NAA11: variants seen among roughly 807,000 people sequenced by gnomAD.
NAA11 encodes N-alpha-acetyltransferase 11.
NAA11 carries 15 observed loss-of-function variants against 16.1 expected under a neutral mutation model. That is an observed-to-expected ratio of 0.93 (90% CI 0.62 to 1.44). NAA11 has a LOEUF of 1.44. Ranked by LOEUF, NAA11 falls within the 40% of genes most tolerant of loss-of-function variation. The probability of loss-of-function intolerance (pLI) is 0.00; values close to 1 mark genes in which losing one functional copy is unlikely to be tolerated. For missense variants in NAA11, 298 were observed against 291.3 expected (o/e 1.02, Z -0.17); for synonymous variants, 122 against 112.4 (o/e 1.09, Z -0.54).
At chr4:79,170,232 ATT>A in the NAA11 span, among the ~76,000 whole-genome samples, 1 of 152,152 alleles carries the variant, frequency 6.6e-6, no homozygotes, top group Non-Finnish European at 1.5e-5. Flanking sequence ...CTCTACTGTT[ATT>A]GTTTTGAAAT....
the NAA11 span, among the ~76,000 whole-genome samples, chr4:79,207,015 G>A: frequency 6.6e-6 from 1 of 152,048 alleles, no homozygotes; most frequent in Non-Finnish European, 1.5e-5. Context: ...CATTATTGGT[G>A]TATAGTAGTG....
chr4:79,306,726 T>C (rs1006469413), intron 1 of NAA11: 6 of 152,238 alleles, frequency 3.9e-5, no homozygotes, highest in Admixed American at 1.3e-4. Context: ...AACATCTGCA[T>C]AGGTAAGTAT....
At chr4:79,246,260 T>G (rs992967889) in intron 2 of NAA11, among the ~76,000 whole-genome samples, 5 of 151,848 alleles carry the variant, frequency 3.3e-5, no homozygotes, top group African/African-American at 4.8e-5. Flanking sequence ...GTCCTCTGCC[T>G]AGGAAAACCA....
Position 79,325,683 on chromosome 4 carries a change from A to G in NAA11, c.195T>C (p.Asp65=), listed in dbSNP as rs1195916171. Residue 65 remains aspartate (D), a synonymous_variant, in exon 1 of 2, where the codon GAT becomes GAC. Transcript: ENST00000286794. ...YVLAKMEEEP[D]DVPHGHITSL... Reference sequence around the variant, plus strand: ...AGGTGATATGGCCATGCGGGACATCATCTGGTTCCTCCTCCATTTTGGCCA... The same window carrying G: ...AGGTGATATGGCCATGCGGGACATCGTCTGGTTCCTCCTCCATTTTGGCCA... 4 of 1,613,976 alleles carry G rather than the reference A, an allele frequency of 2.5e-6. No homozygotes were observed. Among genetic ancestry groups the G allele is most frequent in the Non-Finnish European group, 3.4e-6 (4 of 1,180,006 alleles).
At chr4:79,225,333 C>T (rs181159906), downstream of NAA11, among the ~76,000 whole-genome samples, 331 of 151,994 alleles carry the variant, frequency 2.2e-3, 1 homozygote, top group Non-Finnish European at 3.6e-3. Flanking sequence ...TAAATTTTAG[C>T]GAAATACACT....
chr4:79,206,883 C>T, the NAA11 span, among the ~76,000 whole-genome samples: 7 of 152,050 alleles, frequency 4.6e-5, no homozygotes, highest in African/African-American at 7.2e-5. Flanking sequence ...AATTTACGTT[C>T]AAGTGCTATT....
intron 2 of NAA11, among the ~76,000 whole-genome samples, chr4:79,250,089 C>T (rs1211766547): frequency 6.6e-6 from 1 of 152,258 alleles, no homozygotes. Context: ...TGACCCCGCA[C>T]AGGAAACCAC....
intron 2 of NAA11, among the ~76,000 whole-genome samples, chr4:79,229,617 A>G (rs1721410217): frequency 6.6e-6 from 1 of 151,964 alleles, no homozygotes; most frequent in Admixed American, 6.6e-5. Context: ...TGAGGGTTTC[A>G]GTGATCCATT....
chr4:79,220,890 G>C (rs890296262), downstream of NAA11, among the ~76,000 whole-genome samples: 1 of 151,872 alleles, frequency 6.6e-6, no homozygotes. Context: ...ATTTAAAGTA[G>C]TTTTTTCCAA....
the NAA11 span, among the ~76,000 whole-genome samples, chr4:79,175,308 A>G: frequency 6.6e-6 from 1 of 152,154 alleles, no homozygotes; most frequent in Non-Finnish European, 1.5e-5. Flanking sequence ...GGCTAAGTGT[A>G]TGCATCACAA....
At chr4:79,162,962 T>G in the NAA11 span, among the ~76,000 whole-genome samples, 1 of 152,264 alleles carries the variant, frequency 6.6e-6, no homozygotes, top group Non-Finnish European at 1.5e-5. Context: ...AAGTAGGAAC[T>G]GTTATTACCA....
At chr4:79,267,680 C>G (rs1446061525) in intron 2 of NAA11, among the ~76,000 whole-genome samples, 1 of 152,036 alleles carries the variant, frequency 6.6e-6, no homozygotes, top group Non-Finnish European at 1.5e-5. Flanking sequence ...CTTGGGGGAA[C>G]AGAATTTCAG....
intron 2 of NAA11, among the ~76,000 whole-genome samples, chr4:79,252,698 G>T (rs6822677): frequency 0.034 from 5,148 of 152,222 alleles, 305 homozygotes; most frequent in African/African-American, 0.12. Context: ...TGAGAACAAA[G>T]TTGGAGGGCA....
At chr4:79,252,035 A>T (rs1426687920) in intron 2 of NAA11, among the ~76,000 whole-genome samples, 1 of 152,180 alleles carries the variant, frequency 6.6e-6, no homozygotes, top group Admixed American at 6.5e-5. Context: ...GTGATTTGCA[A>T]AAACTTAGAT....
At chr4:79,163,797 G>T in the NAA11 span, among the ~76,000 whole-genome samples, 1 of 152,182 alleles carries the variant, frequency 6.6e-6, no homozygotes, top group Non-Finnish European at 1.5e-5. Flanking sequence ...TCAGGGGTTT[G>T]CAGGAGATAG....
At chr4:79,193,569 T>G in the NAA11 span, among the ~76,000 whole-genome samples, 1 of 152,162 alleles carries the variant, frequency 6.6e-6, no homozygotes, top group Non-Finnish European at 1.5e-5. Flanking sequence ...GGCTCTGTTC[T>G]GTTCCATTGG....
chr4:79,246,797 A>G (rs930636751), intron 2 of NAA11, among the ~76,000 whole-genome samples: 2 of 152,238 alleles, frequency 1.3e-5, no homozygotes, highest in Non-Finnish European at 2.9e-5. Context: ...TCCACTGATC[A>G]TTACTTTCTA....
chr4:79,216,604 A>G, the NAA11 span, among the ~76,000 whole-genome samples: 3 of 152,090 alleles, frequency 2.0e-5, no homozygotes, highest in African/African-American at 7.2e-5. Context: ...CCCAAAAAGT[A>G]TCTTAAATAA....
chr4:79,219,426 A>C, the NAA11 span, among the ~76,000 whole-genome samples: 1 of 152,156 alleles, frequency 6.6e-6, no homozygotes, highest in Non-Finnish European at 1.5e-5. Flanking sequence ...CTGTTATGAT[A>C]TTGGCTTATA....
Sources: gnomAD v4.1 joint callset for allele counts (sites outside exome capture counted in the v4.1 genomes callset) on GRCh38, gnomAD v4.1.1 for gene constraint, MANE v1.5 for transcripts, NCBI Gene and HGNC (gene_info 2026-07-23, HGNC 2026-07-21) for gene names.